The following SOCS2 variants were observed in gnomAD, a reference collection of about 807,000 sequenced individuals.
SOCS2 encodes the protein suppressor of cytokine signaling 2, also known as CIS-2.
A neutral mutation model predicts 18.6 loss-of-function variants in SOCS2; 10 were observed. The observed-to-expected ratio is 0.54, with a 90% CI of 0.33 to 0.91. The LOEUF (loss-of-function observed/expected upper bound fraction) is 0.91, where lower values mean the gene tolerates loss of function less well. SOCS2 is among the 40% of genes least tolerant of loss of function. The pLI, the probability that SOCS2 is intolerant of heterozygous loss-of-function variation, is 0.02. For synonymous variants in SOCS2, 104 were observed against 104.0 expected, an observed-to-expected ratio of 1.00 and a Z score of 0.00; for missense variants, 231 against 247.2, an observed-to-expected ratio of 0.93 and a Z score of 0.44.
chr12:93,603,130 A>G, the SOCS2 span, among the ~76,000 whole-genome samples: 2 of 152,144 alleles, frequency 1.3e-5, no homozygotes, highest in Non-Finnish European at 2.9e-5. Flanking sequence ...TCCTATTTTT[A>G]GTAGTTAATT....
chr12:93,571,585 A>C, upstream of SOCS2: 1 of 181,882 alleles, frequency 5.5e-6, no homozygotes, highest in South Asian at 7.4e-5. Context: ...TCGCAGCCGG[A>C]GGGAAACCCG....
downstream of SOCS2, among the ~76,000 whole-genome samples, chr12:93,584,410 G>T (rs559514058): frequency 3.3e-5 from 5 of 152,234 alleles, no homozygotes; most frequent in South Asian, 4.2e-4. Flanking sequence ...CCAAAACAAT[G>T]ACTTTCTATA....
At chr12:93,612,647 A>G in the SOCS2 span, among the ~76,000 whole-genome samples, 2 of 152,166 alleles carry the variant, frequency 1.3e-5, no homozygotes, top group Non-Finnish European at 2.9e-5. Flanking sequence ...CAACATAGGG[A>G]GGAATTGTAT....
the SOCS2 span, among the ~76,000 whole-genome samples, chr12:93,593,608 A>G: frequency 6.6e-6 from 1 of 152,182 alleles, no homozygotes; most frequent in Non-Finnish European, 1.5e-5. Flanking sequence ...TAGCATCCCA[A>G]TTACCTTTTA....
chr12:93,615,027 C>T, the SOCS2 span, among the ~76,000 whole-genome samples: 1 of 151,772 alleles, frequency 6.6e-6, no homozygotes, highest in East Asian at 1.9e-4. Context: ...ACTTAATTTT[C>T]CAGGCCCTGT....
At chr12:93,577,518 CTTTTT>C (rs751932008), downstream of SOCS2, among the ~76,000 whole-genome samples, 3 of 139,320 alleles carry the variant, frequency 2.2e-5, no homozygotes, top group Non-Finnish European at 3.1e-5. Context: ...TATCCTAGCT[CTTTTT>C]TTTTTTTTTT....
At chr12:93,607,634 G>T in the SOCS2 span, among the ~76,000 whole-genome samples, 1 of 152,320 alleles carries the variant, frequency 6.6e-6, no homozygotes, top group Admixed American at 6.5e-5. Flanking sequence ...GGGGTGCCAA[G>T]CAAAATTCAC....
At chr12:93,611,324 A>G in the SOCS2 span, among the ~76,000 whole-genome samples, 2,312 of 152,034 alleles carry the variant, frequency 0.015, 72 homozygotes, top group African/African-American at 0.053. Context: ...TGCAACCTCC[A>G]CCTCCTTGGT....
chr12:93,603,748 G>A, the SOCS2 span, among the ~76,000 whole-genome samples: 3 of 152,108 alleles, frequency 2.0e-5, no homozygotes, highest in South Asian at 2.1e-4. Context: ...TAAAGGGCAC[G>A]CAGCAGTTGT....
At position 93,574,809 on chromosome 12, in the gene SOCS2, C is replaced by G. The variant is rs148346233; in HGVS notation, c.227C>G (p.Ser76Trp). The G allele has an allele frequency of 1.2e-6, 2 of 1,614,088 alleles. No homozygotes were observed. Among genetic ancestry groups the G allele is most frequent in the South Asian group, 1.1e-5 (1 of 91,072 alleles). Residue 76 changes from serine (S) to tryptophan (W), a missense_variant, in exon 2 of 2, where the codon TCG becomes TGG. Ser to Trp is a radical substitution (Grantham distance 177). This residue lies in a region of SOCS2 where 106 missense variants were observed against 103.8 expected (regional missense o/e 1.02). Transcript: ENST00000551556. ...GGAACTTTCTTGATTAGAGATAGCT[C>G]GCATTCAGACTACCTACTAACAATA... ...PEGTFLIRDS[S>W]HSDYLLTISV...
the SOCS2 span, among the ~76,000 whole-genome samples, chr12:93,614,408 T>TCTTTCTTC: frequency 1.7e-5 from 2 of 117,330 alleles, no homozygotes; most frequent in East Asian, 2.3e-4. Flanking sequence ...TTTCTTTCTT[T>TCTTTCTTC]CTTTCTTTCT....
the SOCS2 span, among the ~76,000 whole-genome samples, chr12:93,600,263 A>C: frequency 1.3e-5 from 2 of 152,310 alleles, no homozygotes; most frequent in Admixed American, 1.3e-4. Flanking sequence ...ACTGATTTTT[A>C]ATGTTACCTT....
At chr12:93,590,190 G>A in the SOCS2 span, among the ~76,000 whole-genome samples, 17 of 151,638 alleles carry the variant, frequency 1.1e-4, no homozygotes, top group South Asian at 4.2e-4. Context: ...AGCTGAGATC[G>A]CGCCACTGCA....
chr12:93,604,723 G>T, the SOCS2 span, among the ~76,000 whole-genome samples: 1 of 151,936 alleles, frequency 6.6e-6, no homozygotes, highest in Non-Finnish European at 1.5e-5. Context: ...GTAGTGGTGC[G>T]ATCACAGCTC....
the SOCS2 span, among the ~76,000 whole-genome samples, chr12:93,625,277 T>TA: frequency 8.1e-3 from 1,238 of 152,302 alleles, 22 homozygotes; most frequent in African/African-American, 0.028. Context: ...ATTAAAATGC[T>TA]AAAAAAAGTT....
chr12:93,572,892 T>C lies in SOCS2; in HGVS notation c.-6T>C. On this transcript the variant is annotated 5_prime_UTR_variant, in exon 1 of 2. Coordinates refer to ENST00000551556, the MANE Select transcript of SOCS2 (RefSeq NM_001270471.2). This position sits in a 1 kb window ranked among gnomAD's most constrained non-coding sequence, Gnocchi z 5.0. ...CACCTGTCTTTGCCGCGGTGACCCT[T>C]CTCTCATGACCCTGCGGTGCCTTGA... 1 of 1,572,130 alleles carries C rather than the reference T, an allele frequency of 6.4e-7. No individual in the cohort carries two copies. Among genetic ancestry groups the C allele is most frequent in the East Asian group, 2.4e-5 (1 of 42,382 alleles).
At chr12:93,572,486 C>T (rs987587816), upstream of SOCS2, 2 of 371,396 alleles carry the variant, frequency 5.4e-6, no homozygotes, top group Admixed American at 3.7e-5. This position sits in a 1 kb window ranked among gnomAD's most constrained non-coding sequence, Gnocchi z 5.0. Flanking sequence ...CCTCTTCAGC[C>T]AACTTTATCT....
At chr12:93,600,815 G>A in the SOCS2 span, among the ~76,000 whole-genome samples, 1 of 148,888 alleles carries the variant, frequency 6.7e-6, no homozygotes, top group Non-Finnish European at 1.5e-5. Flanking sequence ...TAGAGATGAG[G>A]TCTTGATCTG....
upstream of SOCS2, chr12:93,571,778 C>CG: frequency 2.8e-6 from 1 of 361,742 alleles, no homozygotes; most frequent in Non-Finnish European, 5.5e-6. Context: ...TAAACGTTAA[C>CG]GGGGGAAACA....
Sources: allele counts gnomAD v4.1 joint callset (sites outside exome capture counted in the v4.1 genomes callset), GRCh38; gene constraint gnomAD v4.1.1; regional missense constraint gnomAD v4.1.1; non-coding constraint Gnocchi (gnomAD v3.1); transcripts MANE v1.5; gene names NCBI Gene and HGNC (gene_info 2026-07-23, HGNC 2026-07-21).